TENM2: variants seen among roughly 807,000 people sequenced by gnomAD.
TENM2 encodes teneurin-2.
A neutral mutation model predicts 245.2 loss-of-function variants in TENM2; 52 were observed. The observed-to-expected ratio is 0.21, with a 90% CI of 0.17 to 0.27. TENM2 has a LOEUF of 0.27. Among genes scored for constraint, TENM2 ranks in the 10% least tolerant of loss-of-function variants. The probability of loss-of-function intolerance (pLI) is 1.00; values close to 1 mark genes in which losing one functional copy is unlikely to be tolerated. For synonymous variants in TENM2, 1,363 were observed against 1,438.9 expected (o/e 0.95, Z 1.19); for missense variants, 3,046 against 3,666.8 (o/e 0.83, Z 4.37).
chr5:167,232,197 C>T, the TENM2 span, among the ~76,000 whole-genome samples: 1 of 152,114 alleles, frequency 6.6e-6, no homozygotes, highest in Non-Finnish European at 1.5e-5. Flanking sequence ...AGCCCCCACA[C>T]AGAGTCCCCA....
At chr5:167,705,989 A>ATATATT (rs1554103340) in intron 2 of TENM2, among the ~76,000 whole-genome samples, 1 of 63,976 alleles carries the variant, frequency 1.6e-5, no homozygotes, top group Non-Finnish European at 2.7e-5. Flanking sequence ...ATATATATAT[A>ATATATT]TATTTATTTA....
chr5:167,110,841 A>G, the TENM2 span, among the ~76,000 whole-genome samples: 6 of 152,252 alleles, frequency 3.9e-5, no homozygotes, highest in Admixed American at 6.5e-5. Context: ...AAATTTGTGC[A>G]TGGCCATTTC....
intron 4 of TENM2, among the ~76,000 whole-genome samples, chr5:167,963,023 G>A (rs544927785): frequency 3.4e-4 from 52 of 152,274 alleles, no homozygotes; most frequent in African/African-American, 9.6e-4. Context: ...ATTAAAGATC[G>A]TCCAACCTAA....
At chr5:167,996,846 C>T (rs1428442760) in intron 5 of TENM2, among the ~76,000 whole-genome samples, 1 of 152,090 alleles carries the variant, frequency 6.6e-6, no homozygotes, top group African/African-American at 2.4e-5. Flanking sequence ...TCAAGTGATT[C>T]TCGTGCCTCA....
the TENM2 span, among the ~76,000 whole-genome samples, chr5:167,229,906 G>A: frequency 3.5e-4 from 54 of 152,196 alleles, no homozygotes; most frequent in African/African-American, 1.2e-3. Context: ...ACAGCTTCTA[G>A]GACATTGGGT....
At chr5:167,155,302 A>C in the TENM2 span, among the ~76,000 whole-genome samples, 1 of 152,190 alleles carries the variant, frequency 6.6e-6, no homozygotes, top group African/African-American at 2.4e-5. Context: ...GTGTCCCAAA[A>C]ATATTAACAA....
chr5:168,101,878 T>G (rs754443918), intron 9 of TENM2, among the ~76,000 whole-genome samples: 7 of 152,192 alleles, frequency 4.6e-5, no homozygotes, highest in Non-Finnish European at 1.0e-4. Context: ...CAGTTTAAGC[T>G]ACTTCATTGT....
At chr5:167,033,848 C>G in the TENM2 span, among the ~76,000 whole-genome samples, 4 of 152,244 alleles carry the variant, frequency 2.6e-5, no homozygotes, top group South Asian at 8.3e-4. Flanking sequence ...CTGTCAACAC[C>G]TAACTGTCAT....
intron 1 of TENM2, among the ~76,000 whole-genome samples, chr5:167,368,256 A>G (rs1417718278): frequency 6.6e-6 from 1 of 152,162 alleles, no homozygotes; most frequent in Non-Finnish European, 1.5e-5. Flanking sequence ...TTCAGTTTAA[A>G]TTTAATATTA....
chr5:168,126,273 G>T, intron 11 of TENM2, among the ~76,000 whole-genome samples: 1 of 152,178 alleles, frequency 6.6e-6, no homozygotes, highest in East Asian at 1.9e-4. Flanking sequence ...GGCTGTCAGT[G>T]GGGGAGGAAT....
chr5:167,348,835 A>T (rs138428897), intron 1 of TENM2, among the ~76,000 whole-genome samples: 347 of 152,252 alleles, frequency 2.3e-3, no homozygotes, highest in African/African-American at 8.2e-3. Flanking sequence ...GCATCGTCAG[A>T]TTTCCTATCT....
intron 6 of TENM2, among the ~76,000 whole-genome samples, chr5:168,052,860 A>C (rs1267548635): frequency 1.3e-5 from 2 of 152,296 alleles, no homozygotes; most frequent in East Asian, 1.9e-4. Flanking sequence ...TGCAAGTTGG[A>C]AAAAAATGGC....
chr5:168,018,373 G>C (rs1375477762), intron 5 of TENM2, among the ~76,000 whole-genome samples: 1 of 140,018 alleles, frequency 7.1e-6, no homozygotes, highest in Non-Finnish European at 1.5e-5. Context: ...ATGGTGTTGT[G>C]AGCTCTTTTT....
intron 2 of TENM2, among the ~76,000 whole-genome samples, chr5:167,673,995 G>T (rs1756140428): frequency 1.3e-5 from 2 of 152,130 alleles, no homozygotes. Flanking sequence ...AACCCCAGGG[G>T]CACTAATGAC....
chr5:167,054,906 G>C, the TENM2 span, among the ~76,000 whole-genome samples: 1 of 151,778 alleles, frequency 6.6e-6, no homozygotes, highest in Admixed American at 6.6e-5. Flanking sequence ...GAGTTTTAAG[G>C]GGTCTTTGTA....
At chr5:167,884,635 T>G (rs781644805) in intron 3 of TENM2, among the ~76,000 whole-genome samples, 13 of 152,204 alleles carry the variant, frequency 8.5e-5, no homozygotes, top group Non-Finnish European at 1.6e-4. Context: ...ATATACCACA[T>G]TTTGTTTATT....
At chr5:167,115,397 G>A in the TENM2 span, among the ~76,000 whole-genome samples, 1 of 152,100 alleles carries the variant, frequency 6.6e-6, no homozygotes, top group South Asian at 2.1e-4. Flanking sequence ...TGATACGAAG[G>A]GCTGCATTTT....
In TENM2 at chr5:168,218,381, A is replaced by T. The variant is rs1385449450; in HGVS notation, c.4490A>T (p.Lys1497Met). The T allele has an allele frequency of 2.5e-6, 4 of 1,614,028 alleles. No homozygotes were observed. Among genetic ancestry groups the T allele is most frequent in the East Asian group, 2.2e-5 (1 of 44,890 alleles). ...TACATCACTGAGACAGATGAGAAGA[A>T]GATTAACCGTCTACGCCAGGTAACA... is the stretch of plus-strand genomic sequence containing the variant. The change falls in exon 23 of 29, where the codon AAG (lysine) becomes ATG (methionine). Residue 1497 changes from lysine (K) to methionine (M), a missense_variant. Physicochemically the swap from Lys to Met is moderately conservative, Grantham distance 95. Transcript: ENST00000518659. The surrounding 1 kb of genome is among the most constrained non-coding windows in gnomAD (Gnocchi z 5.2).
At chr5:167,154,631 G>A in the TENM2 span, among the ~76,000 whole-genome samples, 39 of 152,266 alleles carry the variant, frequency 2.6e-4, no homozygotes, top group Non-Finnish European at 5.0e-4. Flanking sequence ...ATTTTCCATA[G>A]GTTTAAAATG....
Sources: gnomAD v4.1 joint callset for allele counts (sites outside exome capture counted in the v4.1 genomes callset) on GRCh38, gnomAD v4.1.1 for gene constraint, Gnocchi (gnomAD v3.1) non-coding constraint, MANE v1.5 for transcripts, NCBI Gene and HGNC (gene_info 2026-07-23, HGNC 2026-07-21) for gene names.